The following COL10A1 variants were observed in gnomAD, a reference collection of about 807,000 sequenced individuals.
COL10A1 encodes the protein collagen alpha-1(X) chain.
COL10A1 carries 10 observed loss-of-function variants against 18.2 expected under a neutral mutation model. That is an observed-to-expected ratio of 0.55 (90% CI 0.34 to 0.93). The LOEUF (loss-of-function observed/expected upper bound fraction) is 0.93, where lower values mean the gene tolerates loss of function less well. COL10A1 is among the 40% of genes least tolerant of loss of function. The probability of loss-of-function intolerance (pLI) is 0.02; values close to 1 mark genes in which losing one functional copy is unlikely to be tolerated. For synonymous variants in COL10A1, 330 were observed against 316.6 expected (o/e 1.04, Z -0.45); for missense variants, 897 against 853.5 (o/e 1.05, Z -0.64).
At position 116,133,262 on chromosome 6, in the gene COL10A1, C is replaced by G. The variant is rs149350014; in HGVS notation, c.-15-7755G>C. Among the ~76,000 whole-genome samples the G allele has an allele frequency of 3.0e-3, 459 of 152,296 alleles. 2 individuals are homozygous for G. Among genetic ancestry groups the G allele is most frequent in the African/African-American group, 0.01 (434 of 41,570 alleles). On this transcript the variant is annotated intron_variant, in intron 1 of 1. Transcript: ENST00000418500. Reference sequence around the variant, plus strand: ...GGATCTTGGCTACCCAATGGGTTCTCAACCATTCACACATGTTAGTTCCTA... The same window carrying G: ...GGATCTTGGCTACCCAATGGGTTCTGAACCATTCACACATGTTAGTTCCTA...
the COL10A1 span, among the ~76,000 whole-genome samples, chr6:116,188,734 T>A: frequency 6.6e-6 from 1 of 151,852 alleles, no homozygotes; most frequent in African/African-American, 2.4e-5. Context: ...GATTAGCAAT[T>A]ACATGAATGT....
rs753599581 is a variant in COL10A1 at position 116,120,793 on chromosome 6, TGGGCCAGCCTCTCCATTGTGTCC to T, written c.1300_1322del (p.Gly434LysfsTer10). The T allele has an allele frequency of 3.3e-4, 529 of 1,613,500 alleles. 2 individuals are homozygous for T. Among genetic ancestry groups the T allele is most frequent in the Non-Finnish European group, 7.6e-5 (90 of 1,179,888 alleles). On this transcript the variant is annotated frameshift_variant, in exon 3 of 3. Transcript: ENST00000651968. LOFTEE classifies it low-confidence loss of function (END_TRUNC). ...TACCTGGTATTCCAGGGGCACCTCT[TGGGCCAGCCTCTCCATTGTGTCC>T]GGGCATTCCCTTTGCTCCTGCTGGG...
the COL10A1 span, among the ~76,000 whole-genome samples, chr6:116,191,489 T>C: frequency 6.6e-6 from 1 of 152,044 alleles, no homozygotes; most frequent in Non-Finnish European, 1.5e-5. Flanking sequence ...TCATAAATAT[T>C]TACTGATAGA....
the COL10A1 span, among the ~76,000 whole-genome samples, chr6:116,182,235 G>GTGTGTGTGTGTGTGTGTA: frequency 4.0e-4 from 60 of 151,424 alleles, no homozygotes; most frequent in Admixed American, 1.1e-3. Context: ...GTGTGTGTGT[G>GTGTGTGTGTGTGTGTGTA]TGTGTGTGTG....
At chr6:116,137,245 A>AT in intron 1 of COL10A1, 1 of 156,868 alleles carries the variant, frequency 6.4e-6, no homozygotes, top group African/African-American at 2.4e-5. Context: ...CTCAGACCAG[A>AT]TTTCAACATA....
chr6:116,190,284 A>T, the COL10A1 span, among the ~76,000 whole-genome samples: 5 of 152,026 alleles, frequency 3.3e-5, no homozygotes, highest in Non-Finnish European at 4.4e-5. Context: ...TTTTATCAAT[A>T]TATGAAATAC....
At chr6:116,150,468 A>G (rs1013752924) in intron 1 of COL10A1, among the ~76,000 whole-genome samples, 5 of 152,102 alleles carry the variant, frequency 3.3e-5, no homozygotes, top group African/African-American at 1.2e-4. Flanking sequence ...TATTTTTAAT[A>G]GAGACAGGGT....
the COL10A1 span, among the ~76,000 whole-genome samples, chr6:116,179,667 G>A: frequency 1.3e-5 from 2 of 152,182 alleles, no homozygotes; most frequent in Admixed American, 1.3e-4. Context: ...TTTTGAACAA[G>A]CATTTGGCAC....
intron 1 of COL10A1, among the ~76,000 whole-genome samples, chr6:116,156,771 G>A (rs1306549086): frequency 6.6e-6 from 1 of 152,132 alleles, no homozygotes; most frequent in Non-Finnish European, 1.5e-5. Flanking sequence ...TAATATCCAA[G>A]ATATCTATGG....
chr6:116,182,058 A>G, the COL10A1 span, among the ~76,000 whole-genome samples: 1 of 151,974 alleles, frequency 6.6e-6, no homozygotes, highest in Non-Finnish European at 1.5e-5. Context: ...AGTCCAGTGT[A>G]TTATTCTTAT....
chr6:116,203,797 A>G, the COL10A1 span, among the ~76,000 whole-genome samples: 1 of 151,926 alleles, frequency 6.6e-6, no homozygotes, highest in Non-Finnish European at 1.5e-5. Context: ...GGAACTGCCA[A>G]ATAATTTTTC....
At chr6:116,207,292 A>G in the COL10A1 span, among the ~76,000 whole-genome samples, 3 of 132,600 alleles carry the variant, frequency 2.3e-5, no homozygotes. Flanking sequence ...TTTCCTTTTA[A>G]GATCAATAGA....
In COL10A1 at chr6:116,119,900, A is replaced by T; in HGVS notation, c.*173T>A. 1.5e-6 allele frequency: 1 copy of T among 646,710 alleles called. No individual in the cohort carries two copies. Among genetic ancestry groups the T allele is most frequent in the Non-Finnish European group, 2.7e-6 (1 of 371,082 alleles). The allele number at this position is 646,710 out of a possible 1,614,324, so 40.1% of individuals were successfully genotyped here. On this transcript the variant is annotated 3_prime_UTR_variant, in exon 3 of 3. Transcript: ENST00000651968. ...CAAGAGAGGCTTCACATACGTTTTT[A>T]CGTTGCTGCTCACTTTTCAGGGGGA...
the COL10A1 span, among the ~76,000 whole-genome samples, chr6:116,191,209 ACTC>A: frequency 2.6e-5 from 4 of 151,800 alleles, no homozygotes; most frequent in Non-Finnish European, 5.9e-5. Flanking sequence ...GAAATAAACA[ACTC>A]CTACCCTTCC....
rs746682700 is a variant in COL10A1 at position 116,121,907 on chromosome 6, G to A, written c.209C>T (p.Pro70Leu). The change falls in exon 3 of 3, where the codon CCT becomes CTT. Residue 70 changes from proline (P) to leucine (L), a missense_variant. Coordinates refer to ENST00000651968, the MANE Select transcript of COL10A1 (RefSeq NM_000493.4). ...TCCAGAAGGACCTGGGTGCCCTCGA[G>A]GTCCAGCAGGGCCTGGTGGACCAGG... ...GTPGPPGPAG[P>L]RGHPGPSGPP... is the part of the protein sequence containing the mutation. 5 of 1,613,836 alleles carry A rather than the reference G, an allele frequency of 3.1e-6. No individual in the cohort carries two copies. The highest frequency in any genetic ancestry group is 4.2e-6 in the Non-Finnish European group (5 of 1,180,000).
chr6:116,178,088 T>TGTGC, the COL10A1 span, among the ~76,000 whole-genome samples: 13 of 99,664 alleles, frequency 1.3e-4, no homozygotes, highest in African/African-American at 4.7e-4. Flanking sequence ...TGTGTGTGTG[T>TGTGC]GCGCGCGCGC....
At chr6:116,151,178 C>T (rs749846395) in intron 1 of COL10A1, among the ~76,000 whole-genome samples, 2 of 152,122 alleles carry the variant, frequency 1.3e-5, no homozygotes, top group East Asian at 1.9e-4. Context: ...GCCCATATTC[C>T]TGCCAACTTC....
intron 2 of COL10A1, among the ~76,000 whole-genome samples, chr6:116,124,438 A>G (rs186464011): frequency 2.6e-5 from 4 of 152,180 alleles, no homozygotes; most frequent in African/African-American, 9.7e-5. Context: ...TTAGTGCTTT[A>G]CATATATTAT....
At position 116,121,577 on chromosome 6, in the gene COL10A1, C is replaced by G. The variant is rs1582814284; in HGVS notation, c.539G>C (p.Gly180Ala). The change falls in exon 3 of 3, where the codon GGA becomes GCA. Residue 180 changes from glycine (G) to alanine (A), a missense_variant. Transcript: ENST00000651968. The part of the protein sequence containing the change: ...RGFPGEKGAP[G>A]VPGMNGQKGE... ...TTTCTGTCCATTCATACCAGGGACT[C>G]CTGGTGCACCCTTTTCTCCAGGAAA... is the stretch of plus-strand genomic sequence containing the variant. 6.2e-7 allele frequency: 1 copy of G among 1,614,120 alleles called. No homozygotes were observed.
Sources: allele counts gnomAD v4.1 joint callset (sites outside exome capture counted in the v4.1 genomes callset), GRCh38; gene constraint gnomAD v4.1.1; transcripts MANE v1.5; gene names NCBI Gene and HGNC (gene_info 2026-07-23, HGNC 2026-07-21).